MUC4: variants seen among roughly 807,000 people sequenced by gnomAD.
MUC4 encodes mucin-4.
MUC4 carries 202 observed loss-of-function variants against 257.9 expected under a neutral mutation model. The observed-to-expected ratio is 0.78, with a 90% CI of 0.70 to 0.88. MUC4 has a LOEUF of 0.88. MUC4 is among the 40% of genes least tolerant of loss of function. The pLI is 0.00. For missense variants in MUC4, 5,976 were observed against 6,513.7 expected (o/e 0.92, Z 2.84); for synonymous variants, 2,351 against 2,757.1 (o/e 0.85, Z 4.62).
intron 7 of MUC4, among the ~76,000 whole-genome samples, chr3:195,767,045 GGCCTCATTTCTGT>G (rs989230128): frequency 6.6e-6 from 1 of 152,152 alleles, no homozygotes; most frequent in African/African-American, 2.4e-5. Context: ...ACAGAGTTCA[GGCCTCATTTCTGT>G]TTGTTTCCCT....
intron 15 of MUC4, 145 bp downstream of exon 15, chr3:195,761,339 G>A (rs1282880588): frequency 1.3e-6 from 1 of 770,436 alleles, no homozygotes; most frequent in Non-Finnish European, 2.1e-6. Context: ...TGGGCTGGTG[G>A]TGGTGGGGAC....
chr3:195,794,370 A>T (rs1734279852), intron 1 of MUC4, among the ~76,000 whole-genome samples: 1 of 132,312 alleles, frequency 7.6e-6, no homozygotes, highest in Non-Finnish European at 1.6e-5. Context: ...AAACATATAT[A>T]TATAGAGAGA....
intron 1 of MUC4, among the ~76,000 whole-genome samples, chr3:195,801,497 G>T (rs1375163703): frequency 1.3e-5 from 2 of 151,946 alleles, no homozygotes. Flanking sequence ...TGTCTCCGAC[G>T]TTCTTTCTGC....
Position 195,782,331 on chromosome 3 carries a change from T to A in MUC4, c.9249A>T (p.Thr3083=), listed in dbSNP as rs567861438. The stretch of plus-strand genomic sequence containing the variant: ...TGACAGGAAGAGGGGTGGCGTGACC[T>A]GTGGATGCTGAGGAAGTGTCGGTGA... ...LPVTDTSSAS[T]GHATPLPVTS... The change falls in exon 2 of 25, where the codon ACA becomes ACT. Residue 3083 remains threonine, a synonymous_variant. Transcript: ENST00000463781. 1.4e-4 allele frequency: 211 copies of A among 1,461,826 alleles called. No homozygotes were observed. The African/African-American group carries it at 2.7e-3, about 18-fold the overall frequency. The allele number at this position is 1,461,826 out of a possible 1,614,324, so 90.6% of individuals were successfully genotyped here.
intron 7 of MUC4, 78 bp downstream of exon 7, chr3:195,768,944 G>A: frequency 6.5e-7 from 1 of 1,529,576 alleles, no homozygotes; most frequent in South Asian, 1.2e-5. Context: ...CCCCAGGATG[G>A]GAGTGTGTGT....
At position 195,811,867 on chromosome 3, in the gene MUC4, C is replaced by T; in HGVS notation, c.-50G>A. 6.3e-7 allele frequency: 1 copy of T among 1,581,160 alleles called. No homozygotes were observed. The highest frequency in any genetic ancestry group is 1.7e-5 in the Admixed American group (1 of 59,526). ...TCCCTGGGGAAGCTCCACGGCCCAGCAGCTGCAGTGTGAGGAGCAGACGTG... is the reference window on the plus strand; with the variant it reads ...TCCCTGGGGAAGCTCCACGGCCCAGTAGCTGCAGTGTGAGGAGCAGACGTG... On this transcript the variant is annotated 5_prime_UTR_variant, in exon 1 of 25. Coordinates refer to ENST00000463781, the MANE Select transcript of MUC4 (RefSeq NM_018406.7).
chr3:195,781,274 C>T lies in MUC4; in HGVS notation c.10306G>A (p.Gly3436Ser), dbSNP rs1184117313. 7.4e-5 allele frequency: 112 copies of T among 1,505,846 alleles called. 7 individuals carry two copies. Among genetic ancestry groups the T allele is most frequent in the African/African-American group, 6.4e-4 (42 of 66,074 alleles). 93.3% of individuals were successfully genotyped at this position (1,505,846 alleles called of 1,614,324 possible). A position where few individuals can be genotyped will look rare whatever the true frequency, so the allele number is the denominator to read the frequency against. The change falls in exon 2 of 25, where the codon GGT becomes AGT. Residue 3436 changes from glycine to serine, a missense_variant. Around this residue, in one of 44 missense-constraint regions of MUC4, gnomAD observed 297 missense variants for 240.9 expected, o/e 1.23. Transcript: ENST00000463781. ...PVTSTSSAST[G>S]HATPVPVTST... ...GTGACAGGAACAGGGGTGGCGTGAC[C>T]GGTGGATGCTGAGGAAGTGCTGGTG...
rs1451829985 is a variant in MUC4 at position 195,788,866 on chromosome 3, G to T, written c.2714C>A (p.Ser905Tyr). Reference protein sequence around the residue: ...SASPQETAAISRMAQTQRTRT... With the variant: ...SASPQETAAIYRMAQTQRTRT... ...TGTCCTCTGAGTCTGGGCCATCCGG[G>T]AAATGGCGGCTGTCTCCTGAGGAGA... The change falls in exon 2 of 25, where the codon TCC becomes TAC. Residue 905 changes from serine to tyrosine, a missense_variant. Ser to Tyr is a moderately radical substitution (Grantham distance 144, BLOSUM62 -2). Around this residue, in one of 44 missense-constraint regions of MUC4, gnomAD observed 1,583 missense variants for 1,257.4 expected, o/e 1.26. Coordinates refer to ENST00000463781, the MANE Select transcript of MUC4 (RefSeq NM_018406.7). 1.3e-5 allele frequency: 21 copies of T among 1,613,784 alleles called. No individual in the cohort carries two copies. The highest frequency in any genetic ancestry group is 4.0e-5 in the African/African-American group (3 of 74,898).
In MUC4 at chr3:195,747,326, G is replaced by T. The variant is rs1487307565; in HGVS notation, c.16089C>A (p.Ser5363Arg). ...TGCCGAAGAACGCGTCGAGTTTCAT[G>T]CTCAGGTGCTCACAGTGCTCGCCCC... Reference protein sequence around the residue: ...TAWGEHCEHLSMKLDAFFGIF... With the variant: ...TAWGEHCEHLRMKLDAFFGIF... The change falls in exon 25 of 25, where the codon AGC becomes AGA. Residue 5363 changes from serine to arginine, a missense_variant. This residue lies in a region of MUC4 where 310 missense variants were observed against 242.1 expected (regional missense o/e 1.28). Coordinates refer to ENST00000463781, the MANE Select transcript of MUC4 (RefSeq NM_018406.7). 6.2e-7 allele frequency: 1 copy of T among 1,614,098 alleles called. No homozygotes were observed. Among genetic ancestry groups the T allele is most frequent in the South Asian group, 1.1e-5 (1 of 91,084 alleles).
At chr3:195,797,035 G>C (rs1734662483) in intron 1 of MUC4, among the ~76,000 whole-genome samples, 1 of 152,214 alleles carries the variant, frequency 6.6e-6, no homozygotes, top group Admixed American at 6.5e-5. Flanking sequence ...TTGAGGCCGG[G>C]AGTTCCAGAC....
chr3:195,806,997 C>T (rs1736067277), intron 1 of MUC4, among the ~76,000 whole-genome samples: 1 of 152,142 alleles, frequency 6.6e-6, no homozygotes, highest in Non-Finnish European at 1.5e-5. Flanking sequence ...TACAGAGAGT[C>T]GATGTCTGTC....
intron 19 of MUC4, chr3:195,753,765 C>T (rs1046888580): frequency 2.1e-5 from 4 of 190,920 alleles, no homozygotes; most frequent in African/African-American, 4.7e-5. Flanking sequence ...CGGATCCCCA[C>T]GCCAGCCCCT....
chr3:195,808,239 T>C (rs569272763), intron 1 of MUC4, among the ~76,000 whole-genome samples: 1 of 152,118 alleles, frequency 6.6e-6, no homozygotes, highest in South Asian at 2.1e-4. Flanking sequence ...CTTTTTTTTT[T>C]AGACAGAGTC....
intron 1 of MUC4, among the ~76,000 whole-genome samples, chr3:195,811,111 A>T (rs1736652710): frequency 6.7e-6 from 1 of 149,306 alleles, no homozygotes; most frequent in Admixed American, 6.6e-5. Flanking sequence ...CCTCTTCCCC[A>T]CTTTTCTCCT....
At chr3:195,761,683 CA>C in intron 14 of MUC4, 98 bp from the exon 15 acceptor site, 1 of 932,334 alleles carries the variant, frequency 1.1e-6, no homozygotes. Context: ...CAGGGCCTGG[CA>C]GCCTCTGCTC....
In MUC4 at chr3:195,765,406, C is replaced by T. The variant is rs187130726; in HGVS notation, c.13662G>A (p.Arg4554=). The T allele has an allele frequency of 2.4e-5, 38 of 1,613,554 alleles. No individual in the cohort carries two copies. The East Asian group carries it at 7.8e-4, about 33-fold the overall frequency. ...GCAGGCACTCGAGACGGTAGTTGGG[C>T]CTTTCTTCCCGGTGTAGCCTGTAGA... ...LQFYRLHREE[R]PNYRLECLQW... The change falls in exon 9 of 25, where the codon AGG becomes AGA. Residue 4554 remains arginine, a synonymous_variant. Coordinates refer to ENST00000463781, the MANE Select transcript of MUC4 (RefSeq NM_018406.7).
At chr3:195,793,127 T>TA (rs200682946) in intron 1 of MUC4, among the ~76,000 whole-genome samples, 152,092 of 152,098 alleles carry the variant, frequency 1, 76,043 homozygotes, top group Non-Finnish European at 1. Context: ...AAACTTAAAG[T>TA]AAAAATGAAA....
At chr3:195,799,642 T>C (rs2149063901) in intron 1 of MUC4, among the ~76,000 whole-genome samples, 1 of 152,332 alleles carries the variant, frequency 6.6e-6, no homozygotes, top group East Asian at 1.9e-4. Flanking sequence ...AAGCTCATAT[T>C]GTTAACTTAC....
intron 5 of MUC4, 48 bp downstream of exon 5, chr3:195,771,604 C>T (rs1722902006): frequency 4.4e-6 from 7 of 1,593,650 alleles, no homozygotes; most frequent in Non-Finnish European, 6.0e-6. Flanking sequence ...CTTTGTCTCC[C>T]CTGCCAGCTG....
Sources: allele counts gnomAD v4.1 joint callset (sites outside exome capture counted in the v4.1 genomes callset), GRCh38; gene constraint gnomAD v4.1.1; regional missense constraint gnomAD v4.1.1; transcripts MANE v1.5; gene names NCBI Gene and HGNC (gene_info 2026-07-23, HGNC 2026-07-21).